Variants in PRKCZ observed in about 807,000 individuals in gnomAD.
PRKCZ encodes the protein protein kinase C zeta.
Under a neutral mutation model 79.5 loss-of-function variants are expected in PRKCZ, and 33 were observed. The observed-to-expected ratio is 0.41, with a 90% confidence interval of 0.31 to 0.55. The LOEUF (loss-of-function observed/expected upper bound fraction) is 0.55, where lower values mean the gene tolerates loss of function less well. Among genes scored for constraint, PRKCZ ranks in the 20% least tolerant of loss-of-function variants. PRKCZ has a pLI of 0.19. For synonymous variants in PRKCZ, 342 were observed against 320.9 expected (o/e 1.07, Z -0.70); for missense variants, 578 against 813.5 (o/e 0.71, Z 3.52).
intron 4 of PRKCZ, among the ~76,000 whole-genome samples, chr1:2,079,245 T>G (rs996076820): frequency 6.6e-6 from 1 of 152,244 alleles, no homozygotes; most frequent in East Asian, 1.9e-4. Flanking sequence ...CGCGGTATCA[T>G]GTGGTGATTG....
chr1:2,090,880 C>T (rs908258453), intron 4 of PRKCZ, among the ~76,000 whole-genome samples: 3 of 152,234 alleles, frequency 2.0e-5, no homozygotes, highest in African/African-American at 7.2e-5. Context: ...TTAGCTCTCC[C>T]TGTGGAATTT....
upstream of PRKCZ, chr1:2,049,378 GA>G (rs1659466339): frequency 6.6e-6 from 1 of 152,240 alleles, no homozygotes; most frequent in East Asian, 1.9e-4. Context: ...CTGCGTAGGA[GA>G]GGGGCCTCCT....
chr1:2,056,532 G>C lies in PRKCZ; in HGVS notation c.242G>C (p.Arg81Pro). Residue 81 changes from arginine to proline, a missense_variant, in exon 3 of 18, where the codon CGC becomes CCC. Around this residue, in one of 4 missense-constraint regions of PRKCZ, gnomAD observed 228 missense variants for 211.6 expected, o/e 1.08. Coordinates refer to ENST00000378567, the MANE Select transcript of PRKCZ (RefSeq NM_002744.6). ...SSQMELEEAF[R>P]LARQCRDEGL... is the part of the protein sequence containing the mutation. ...CAGATGGAGCTGGAAGAGGCTTTCC[G>C]CCTGGCCCGTCAGTGCAGGGATGAA... The C allele has an allele frequency of 6.2e-7, 1 of 1,613,946 alleles. No individual in the cohort carries two copies. Among genetic ancestry groups the C allele is most frequent in the Non-Finnish European group, 8.5e-7 (1 of 1,179,952 alleles).
At chr1:2,060,800 C>T (rs928230384) in intron 4 of PRKCZ, among the ~76,000 whole-genome samples, 9 of 152,062 alleles carry the variant, frequency 5.9e-5, no homozygotes, top group Non-Finnish European at 1.0e-4. Flanking sequence ...CAGCGCAGGG[C>T]GAGTGTGAGG....
intron 4 of PRKCZ, among the ~76,000 whole-genome samples, chr1:2,119,750 C>T (rs1451088303): frequency 6.6e-6 from 1 of 151,860 alleles, no homozygotes; most frequent in Admixed American, 6.6e-5. Context: ...TTCCTTTCAG[C>T]ACAGACTTGT....
At chr1:2,079,880 G>A (rs1663160753) in intron 4 of PRKCZ, among the ~76,000 whole-genome samples, 2 of 152,178 alleles carry the variant, frequency 1.3e-5, no homozygotes, top group South Asian at 4.1e-4. Context: ...CCAGGGGAGT[G>A]TCCTGCCTGG....
rs527853459 is a variant in PRKCZ, at chr1:2,176,445, C to T, written c.1575+1132C>T. On this transcript the variant is annotated intron_variant, in intron 16 of 17. Coordinates refer to ENST00000378567, the MANE Select transcript of PRKCZ (RefSeq NM_002744.6). ...GCGCAGTCTCCACCTAGGATGTTTC[C>T]AGCACATGGAGGGTTTATTGGGAGG... 1.4e-4 allele frequency among the ~76,000 whole-genome samples: 21 copies of T among 152,276 alleles called. 1 individual carries two copies. In the South Asian group the frequency reaches 3.5e-3, roughly 26 times the overall value.
At chr1:2,181,547 C>T (rs561491180) in intron 16 of PRKCZ, among the ~76,000 whole-genome samples, 29 of 152,330 alleles carry the variant, frequency 1.9e-4, no homozygotes, top group South Asian at 4.1e-4. Context: ...CCATGGGTCC[C>T]GACCTGGAGC....
intron 1 of PRKCZ, 72 bp from the exon 2 acceptor site, chr1:2,055,369 G>T: frequency 6.6e-7 from 1 of 1,512,700 alleles, no homozygotes; most frequent in Non-Finnish European, 8.9e-7. Context: ...GATTTGGTTA[G>T]TTGGTAATCA....
intron 4 of PRKCZ, among the ~76,000 whole-genome samples, chr1:2,061,002 A>G (rs908795065): frequency 1.3e-5 from 2 of 152,208 alleles, no homozygotes; most frequent in South Asian, 2.1e-4. Flanking sequence ...ATAAACACAT[A>G]AATAGGACAG....
chr1:2,073,810 G>C, intron 4 of PRKCZ: 2 of 1,028,366 alleles, frequency 1.9e-6, no homozygotes. Context: ...GCCTATTGTC[G>C]GGGCCGGAGG....
chr1:2,092,601 G>A (rs1177201095), intron 4 of PRKCZ, among the ~76,000 whole-genome samples: 1 of 152,246 alleles, frequency 6.6e-6, no homozygotes, highest in East Asian at 1.9e-4. Flanking sequence ...TTTGTTTAAG[G>A]TATAAATTCA....
chr1:2,072,972 G>T (rs1205548861), intron 4 of PRKCZ, among the ~76,000 whole-genome samples: 2 of 152,148 alleles, frequency 1.3e-5, no homozygotes, highest in Non-Finnish European at 2.9e-5. Context: ...TTTATGATTG[G>T]AGGAAAATGC....
chr1:2,089,736 G>A (rs1291446764), intron 4 of PRKCZ, among the ~76,000 whole-genome samples: 1 of 152,180 alleles, frequency 6.6e-6, no homozygotes, highest in Non-Finnish European at 1.5e-5. Context: ...TCACAGTGCT[G>A]GGGCCGCTGT....
intron 4 of PRKCZ, among the ~76,000 whole-genome samples, chr1:2,088,251 C>T (rs965326550): frequency 3.9e-5 from 6 of 152,098 alleles, no homozygotes; most frequent in Admixed American, 3.3e-4. Context: ...CCCGTCTGTC[C>T]CTCGTCCTCC....
intron 4 of PRKCZ, among the ~76,000 whole-genome samples, chr1:2,107,505 T>C (rs1668793261): frequency 6.6e-6 from 1 of 152,212 alleles, no homozygotes; most frequent in Non-Finnish European, 1.5e-5. Context: ...GGAAAACGTG[T>C]GCAGATACCT....
Position 2,125,064 on chromosome 1 carries a change from A to G in PRKCZ, c.335-10198A>G, listed in dbSNP as rs1571629805. 6.6e-6 allele frequency among the ~76,000 whole-genome samples: 1 copy of G among 151,970 alleles called. No individual in the cohort carries two copies. The highest frequency in any genetic ancestry group is 1.9e-4 in the East Asian group (1 of 5,162). ...CTGGCTCTGTGCCGGGCGCTGGGCA[A>G]TCTCTGCCTCCAGCCTGGGCCTTTG... On this transcript the variant is annotated intron_variant, in intron 4 of 17. Coordinates refer to ENST00000378567, the MANE Select transcript of PRKCZ (RefSeq NM_002744.6). The surrounding 1 kb of genome is among the most constrained non-coding windows in gnomAD (Gnocchi z 4.2).
At chr1:2,063,467 C>T (rs1660869909) in intron 4 of PRKCZ, among the ~76,000 whole-genome samples, 1 of 152,126 alleles carries the variant, frequency 6.6e-6, no homozygotes, top group Non-Finnish European at 1.5e-5. Context: ...CATGTGCCAC[C>T]ACGCCCAGCT....
At chr1:2,101,189 C>T (rs1179731821) in intron 4 of PRKCZ, among the ~76,000 whole-genome samples, 5 of 152,162 alleles carry the variant, frequency 3.3e-5, no homozygotes, top group Non-Finnish European at 4.4e-5. Flanking sequence ...TATTCCCATA[C>T]CTTTTTAAAA....
Sources: gnomAD v4.1 joint callset for allele counts (sites outside exome capture counted in the v4.1 genomes callset) on GRCh38, gnomAD v4.1.1 for gene constraint, gnomAD v4.1.1 regional missense constraint, Gnocchi (gnomAD v3.1) non-coding constraint, MANE v1.5 for transcripts, NCBI Gene and HGNC (gene_info 2026-07-23, HGNC 2026-07-21) for gene names.